Variants in GRM1 observed in about 807,000 individuals in gnomAD.
GRM1 encodes metabotropic glutamate receptor 1.
In GRM1, 33 loss-of-function variants were observed where a neutral mutation model predicts 90.9. The observed-to-expected ratio is 0.36, with a 90% confidence interval of 0.28 to 0.49. GRM1 has a LOEUF of 0.49. GRM1 is among the 20% of genes least tolerant of loss of function. GRM1 has a pLI of 0.99. For missense variants in GRM1, 1,190 were observed against 1,534.3 expected (o/e 0.78, Z 3.75); for synonymous variants, 700 against 613.2 (o/e 1.14, Z -2.09).
chr6:146,200,005 G>C (rs1388373753), intron 2 of GRM1, among the ~76,000 whole-genome samples: 1 of 152,144 alleles, frequency 6.6e-6, no homozygotes, highest in Non-Finnish European at 1.5e-5. Context: ...TACTACATCA[G>C]CAAACTTTGA....
At chr6:146,223,975 T>C (rs1442379247) in intron 2 of GRM1, among the ~76,000 whole-genome samples, 1 of 152,106 alleles carries the variant, frequency 6.6e-6, no homozygotes, top group South Asian at 2.1e-4. Flanking sequence ...CCTGACATTA[T>C]AGCAGATCCA....
At chr6:146,276,581 G>A (rs1782369165) in intron 2 of GRM1, among the ~76,000 whole-genome samples, 1 of 151,836 alleles carries the variant, frequency 6.6e-6, no homozygotes, top group South Asian at 2.1e-4. Flanking sequence ...ATAATATGTA[G>A]AGACAAAGAA....
chr6:146,174,960 A>C (rs1391720226), intron 2 of GRM1, among the ~76,000 whole-genome samples: 1 of 152,162 alleles, frequency 6.6e-6, no homozygotes, highest in Non-Finnish European at 1.5e-5. Flanking sequence ...CCCAGGTGAG[A>C]TCTGGCTTCC....
chr6:146,238,485 G>T (rs1162647225), intron 2 of GRM1, among the ~76,000 whole-genome samples: 1 of 152,098 alleles, frequency 6.6e-6, no homozygotes, highest in Non-Finnish European at 1.5e-5. Flanking sequence ...CATGTGATAT[G>T]ACTGGTATTT....
chr6:146,272,196 A>G (rs931385179), intron 2 of GRM1, among the ~76,000 whole-genome samples: 2 of 152,260 alleles, frequency 1.3e-5, no homozygotes, highest in Non-Finnish European at 2.9e-5. Context: ...TGCCAAAAAT[A>G]TATCATGCAA....
intron 3 of GRM1, among the ~76,000 whole-genome samples, chr6:146,305,518 A>C (rs915815097): frequency 6.6e-6 from 1 of 152,282 alleles, no homozygotes; most frequent in Non-Finnish European, 1.5e-5. Context: ...GAGTATTATT[A>C]TTACTGCATA....
At chr6:146,377,156 C>T (rs1444390138) in intron 5 of GRM1, among the ~76,000 whole-genome samples, 1 of 151,892 alleles carries the variant, frequency 6.6e-6, no homozygotes, top group Non-Finnish European at 1.5e-5. Context: ...AGCATGAGAG[C>T]AGACGAATAC....
intron 3 of GRM1, among the ~76,000 whole-genome samples, chr6:146,315,419 A>G (rs918128702): frequency 6.6e-6 from 1 of 152,150 alleles, no homozygotes; most frequent in Non-Finnish European, 1.5e-5. Context: ...AATGCCAGTG[A>G]ATTGAATCCT....
At chr6:146,410,604 C>G (rs1777525026) in intron 7 of GRM1, among the ~76,000 whole-genome samples, 1 of 152,040 alleles carries the variant, frequency 6.6e-6, no homozygotes, top group Admixed American at 6.6e-5. Flanking sequence ...TAGAGGGCCT[C>G]TAGTAAAGGC....
chr6:146,285,316 G>A lies in GRM1; in HGVS notation c.951-19295G>A, dbSNP rs190841246. ...GAAATAATCACTCTCACCCTTTCCC[G>A]TTAATTTTTCACATCTACTCCATCA... On this transcript the variant is annotated intron_variant, in intron 2 of 7. Coordinates refer to ENST00000282753, the MANE Select transcript of GRM1 (RefSeq NM_001278064.2). Among the ~76,000 whole-genome samples the A allele has an allele frequency of 2.9e-3, 447 of 152,154 alleles. 3 individuals carry two copies. Among genetic ancestry groups the A allele is most frequent in the African/African-American group, 9.2e-3 (382 of 41,532 alleles).
chr6:146,246,036 G>T (rs1002444168), intron 2 of GRM1, among the ~76,000 whole-genome samples: 2 of 152,162 alleles, frequency 1.3e-5, no homozygotes, highest in African/African-American at 4.8e-5. Context: ...TAAATTAAAT[G>T]ATGCTTATAA....
At chr6:146,314,092 A>T (rs1783874697) in intron 3 of GRM1, among the ~76,000 whole-genome samples, 1 of 92,650 alleles carries the variant, frequency 1.1e-5, no homozygotes, top group African/African-American at 4.4e-5. Flanking sequence ...TTGGAGACAG[A>T]GTCTTGCTCT....
chr6:146,212,183 A>G (rs1779706455), intron 2 of GRM1, among the ~76,000 whole-genome samples: 1 of 152,222 alleles, frequency 6.6e-6, no homozygotes, highest in Admixed American at 6.5e-5. Flanking sequence ...AAATATCAAC[A>G]AAATGCCTTC....
intron 1 of GRM1, among the ~76,000 whole-genome samples, chr6:146,120,549 A>G (rs1327329825): frequency 6.6e-6 from 1 of 152,190 alleles, no homozygotes; most frequent in Non-Finnish European, 1.5e-5. Flanking sequence ...GTTTTTGCCA[A>G]TTCAGTATGA....
chr6:146,427,875 G>A (rs1236992184), intron 7 of GRM1, among the ~76,000 whole-genome samples: 1 of 152,200 alleles, frequency 6.6e-6, no homozygotes, highest in Non-Finnish European at 1.5e-5. Flanking sequence ...CTAATTGTGA[G>A]AGCTGCTGGC....
chr6:146,165,882 A>C (rs1777886668), intron 2 of GRM1, among the ~76,000 whole-genome samples: 1 of 152,082 alleles, frequency 6.6e-6, no homozygotes, highest in Admixed American at 6.6e-5. Flanking sequence ...TAAAGTTGGT[A>C]ATTATAAACC....
At chr6:146,376,407 T>G (rs1476927624) in intron 5 of GRM1, among the ~76,000 whole-genome samples, 1 of 152,148 alleles carries the variant, frequency 6.6e-6, no homozygotes, top group Non-Finnish European at 1.5e-5. Flanking sequence ...TCATTAATGT[T>G]CTTTTCTTTC....
At chr6:146,383,887 A>C (rs1018083551) in intron 5 of GRM1, among the ~76,000 whole-genome samples, 4 of 152,148 alleles carry the variant, frequency 2.6e-5, no homozygotes, top group Non-Finnish European at 5.9e-5. Context: ...TGCCATAAGC[A>C]ACTAGAAATC....
intron 1 of GRM1, among the ~76,000 whole-genome samples, chr6:146,044,018 A>G (rs1025370738): frequency 7.9e-5 from 12 of 151,748 alleles, no homozygotes; most frequent in African/African-American, 2.9e-4. Flanking sequence ...AGAGAATCAT[A>G]CTTTTTCAGA....
Sources: allele counts gnomAD v4.1 joint callset (sites outside exome capture counted in the v4.1 genomes callset), GRCh38; gene constraint gnomAD v4.1.1; transcripts MANE v1.5; gene names NCBI Gene and HGNC (gene_info 2026-07-23, HGNC 2026-07-21).